KRT75: variants seen among roughly 807,000 people sequenced by gnomAD.
The protein encoded by KRT75 is keratin 75, also known as keratin, type II cytoskeletal 75.
In KRT75, 35 loss-of-function variants were observed where a neutral mutation model predicts 48.8. The observed-to-expected ratio is 0.72, with a 90% CI of 0.55 to 0.95. KRT75 has a LOEUF of 0.95. Ranked by LOEUF, KRT75 falls within the 40% of genes least tolerant of loss-of-function variation. The pLI, the probability that KRT75 is intolerant of heterozygous loss-of-function variation, is 0.00. For missense variants in KRT75, 776 were observed against 709.9 expected (o/e 1.09, Z -1.06); for synonymous variants, 301 against 282.3 (o/e 1.07, Z -0.66).
intron 5 of KRT75, 144 bp downstream of exon 5, chr12:52,430,397 T>G (rs1286489881): frequency 2.3e-6 from 2 of 879,126 alleles, no homozygotes; most frequent in Non-Finnish European, 3.7e-6. Context: ...CATTTCAAGC[T>G]AAGTTGTCAT....
rs1440628031 is a variant in KRT75 at position 52,432,018 on chromosome 12, T to C, written c.762A>G (p.Val254=). The C allele has an allele frequency of 6.2e-7, 1 of 1,614,220 alleles. No individual in the cohort carries two copies. The highest frequency in any genetic ancestry group is 8.5e-7 in the Non-Finnish European group (1 of 1,180,014). The change falls in exon 3 of 9, where the codon GTA becomes GTG. Residue 254 remains valine (V), a synonymous_variant. Coordinates refer to ENST00000252245, the MANE Select transcript of KRT75 (RefSeq NM_004693.3). ...CATCCCCACTCACCTTTTTCAGGGC[T>C]ACAAATTCATTCTCAGCAGCTGTGC... is the stretch of plus-strand genomic sequence containing the variant. ...NKRTAAENEF[V]ALKKDVDAAY... is the part of the protein sequence containing the mutation.
At chr12:52,430,807 C>T (rs1940135613) in intron 4 of KRT75, 102 bp from the exon 5 acceptor site, 1 of 1,298,152 alleles carries the variant, frequency 7.7e-7, no homozygotes, top group African/African-American at 1.5e-5. Context: ...CCTTGGTATT[C>T]CTGGCAGATT....
chr12:52,431,965 C>T, intron 3 of KRT75, 41 bp downstream of exon 3: 1 of 1,603,278 alleles, frequency 6.2e-7, no homozygotes, highest in Admixed American at 1.7e-5. Context: ...CTCCAGATTC[C>T]ATTTTAAACC....
Position 52,432,175 on chromosome 12 carries a change from T to C in KRT75, c.714-109A>G, listed in dbSNP as rs1404909540. 7.6e-6 allele frequency: 8 copies of C among 1,046,460 alleles called. No homozygotes were observed. The African/African-American group carries it at 1.1e-4, about 14-fold the overall frequency. 64.8% of individuals were successfully genotyped at this position (1,046,460 alleles called of 1,614,324 possible). On this transcript the variant is annotated intron_variant, in intron 2 of 8. Coordinates refer to ENST00000252245, the MANE Select transcript of KRT75 (RefSeq NM_004693.3). The stretch of plus-strand genomic sequence containing the variant: ...CTCAAATCATTTCCAGCTCTTCTGC[T>C]GACCTGGGCATGACTTTGGGTGATT...
chr12:52,431,644 A>G lies in KRT75; in HGVS notation c.775-6T>C. ...ATATAGGCAGCATCTACGTCCTGGA[A>G]TGACAGCGCAGGATGCTCCTTTGAG... On this transcript the variant is annotated splice_region_variant and splice_polypyrimidine_tract_variant and intron_variant, in intron 3 of 8. Coordinates refer to ENST00000252245, the MANE Select transcript of KRT75 (RefSeq NM_004693.3). 1.9e-6 allele frequency: 3 copies of G among 1,602,808 alleles called. No individual in the cohort carries two copies.
chr12:52,430,027 T>C (rs755626949), intron 5 of KRT75, among the ~76,000 whole-genome samples: 18 of 152,184 alleles, frequency 1.2e-4, no homozygotes, highest in Non-Finnish European at 1.8e-4. Flanking sequence ...CAGCAATCTT[T>C]TGTCCCTCAT....
At chr12:52,431,867 G>T in intron 3 of KRT75, 139 bp downstream of exon 3, 1 of 868,216 alleles carries the variant, frequency 1.2e-6, no homozygotes, top group Middle Eastern at 2.1e-4. Context: ...GAGGGAACAT[G>T]TTGGGAGGTT....
chr12:52,425,342 A>C lies in KRT75; in HGVS notation c.1418-587T>G, dbSNP rs141323441. ...TCCTGCCGAAGGAAAATCAAATTTT[A>C]AAAAAATAGACTCCGTTATAGGATG... is the stretch of plus-strand genomic sequence containing the variant. On this transcript the variant is annotated intron_variant, in intron 8 of 8. Coordinates refer to ENST00000252245, the MANE Select transcript of KRT75 (RefSeq NM_004693.3). Among the ~76,000 whole-genome samples, 421 of 152,338 alleles carry C rather than the reference A, an allele frequency of 2.8e-3. 19 individuals carry two copies. In the East Asian group the frequency reaches 0.066, roughly 24 times the overall value.
chr12:52,428,799 G>T, intron 5 of KRT75, 56 bp from the exon 6 acceptor site: 7 of 1,611,734 alleles, frequency 4.3e-6, no homozygotes, highest in Non-Finnish European at 5.9e-6. Context: ...CCAGGCACTC[G>T]CTGTGCACAC....
At chr12:52,424,857 G>C in intron 8 of KRT75, 102 bp from the exon 9 acceptor site, 1 of 914,870 alleles carries the variant, frequency 1.1e-6, no homozygotes, top group East Asian at 2.4e-5. Context: ...GGAGGGGGTG[G>C]TCTCGTCAGC....
Position 52,434,054 on chromosome 12 carries a change from A to G in KRT75, c.251T>C (p.Phe84Ser), listed in dbSNP as rs910176859. ...AAACCTGTTGCTGGCCCTGCCACCA[A>G]AGCCACTTCGGCAGCTGCTGCCACA... The part of the protein sequence containing the change: ...NGCGSSCRSG[F>S]GGRASNRFGV... Residue 84 changes from phenylalanine to serine, a missense_variant, in exon 1 of 9, where the codon TTT (phenylalanine) becomes TCT (serine). Phe to Ser is a radical substitution (Grantham distance 155, BLOSUM62 -2). Transcript: ENST00000252245. The G allele has an allele frequency of 3.1e-6, 5 of 1,613,912 alleles. No homozygotes were observed. In the African/African-American group the frequency reaches 6.7e-5, roughly 22 times the overall value.
intron 5 of KRT75, among the ~76,000 whole-genome samples, chr12:52,429,263 A>G (rs991110976): frequency 6.6e-6 from 1 of 152,140 alleles, no homozygotes; most frequent in African/African-American, 2.4e-5. Context: ...TGTGCCCATG[A>G]ATTTTGGTAG....
Position 52,428,737 on chromosome 12 carries a change from C to A in KRT75, c.1042G>T (p.Glu348Ter). The A allele has an allele frequency of 1.9e-6, 3 of 1,614,046 alleles. No individual in the cohort carries two copies. Among genetic ancestry groups the A allele is most frequent in the Non-Finnish European group, 1.7e-6 (2 of 1,180,042 alleles). ...TGTCTGCCTGCGGTGACCTGCAGCT[C>A]CTCGTACTGAGAGAACCAGAGCAAA... ...AESWYQTKYE[E>*]LQVTAGRHGD... Residue 348 changes from glutamate to a stop codon, truncating the protein, a stop_gained, in exon 6 of 9, where the codon GAG becomes TAG. Coordinates refer to ENST00000252245, the MANE Select transcript of KRT75 (RefSeq NM_004693.3). LOFTEE classifies it high-confidence loss of function.
chr12:52,428,056 G>T, intron 7 of KRT75, 200 bp downstream of exon 7: 1 of 678,736 alleles, frequency 1.5e-6, no homozygotes, highest in East Asian at 2.8e-5. Flanking sequence ...GTTTCTATGG[G>T]GATGCTAACT....
At position 52,424,424 on chromosome 12, in the gene KRT75, C is replaced by A. The variant is rs1355144929; in HGVS notation, c.*93G>T. 1.7e-6 allele frequency: 2 copies of A among 1,176,578 alleles called. No homozygotes were observed. Among genetic ancestry groups the A allele is most frequent in the South Asian group, 1.2e-5 (1 of 82,082 alleles). 72.9% of individuals were successfully genotyped at this position (1,176,578 alleles called of 1,614,324 possible). The stretch of plus-strand genomic sequence containing the variant: ...CCAGGCTCCCAGCAGCACAGGTGCA[C>A]CTTACAAGGAGAGAGGAAGGAGGAG... On this transcript the variant is annotated 3_prime_UTR_variant, in exon 9 of 9. Coordinates refer to ENST00000252245, the MANE Select transcript of KRT75 (RefSeq NM_004693.3).
In KRT75 at chr12:52,424,562, CTT is replaced by C. The variant is rs748916754; in HGVS notation, c.1609_1610del (p.Lys537ValfsTer71). 533 of 1,614,042 alleles carry C rather than the reference CTT, an allele frequency of 3.3e-4. 2 individuals carry two copies. The highest frequency in any genetic ancestry group is 4.2e-4 in the Non-Finnish European group (500 of 1,180,036). Reference protein sequence around the residue: ...RGLGGSGSSVKFVSTTSSSQK... With the variant: ...RGLGGSGSSVXFVSTTSSSQK... ...GGCTGGAGGATGTGGTGGAGACAAA[CTT>C]GACGCTAGAACCACTGCCCCCTAAG... is the stretch of plus-strand genomic sequence containing the variant. On this transcript the variant is annotated frameshift_variant, in exon 9 of 9. Coordinates refer to ENST00000252245, the MANE Select transcript of KRT75 (RefSeq NM_004693.3). LOFTEE classifies it high-confidence loss of function.
intron 5 of KRT75, 73 bp from the exon 6 acceptor site, chr12:52,428,816 A>C: frequency 6.3e-7 from 1 of 1,589,060 alleles, no homozygotes; most frequent in South Asian, 1.1e-5. Context: ...ACACAGACCC[A>C]CCCTGGGTGC....
intron 3 of KRT75, 124 bp from the exon 4 acceptor site, chr12:52,431,762 AT>A: frequency 1.2e-6 from 1 of 853,654 alleles, no homozygotes; most frequent in Admixed American, 2.0e-5. Flanking sequence ...GGTCTGGGTG[AT>A]TTGGGGTTGG....
Position 52,428,476 on chromosome 12 carries a change from A to G in KRT75, c.1162T>C (p.Cys388Arg). Reference sequence around the variant, plus strand: ...GCAATGGCCGTTTGCAAGCTGGAACACTGTAAGGACAGGAGGAAGCCATGA... The same window carrying G: ...GCAATGGCCGTTTGCAAGCTGGAACGCTGTAAGGACAGGAGGAAGCCATGA... ...RAEIDSVKKQCSSLQTAIADA... is the reference protein window; with the variant it reads ...RAEIDSVKKQRSSLQTAIADA... The change falls in exon 7 of 9, where the codon TGT becomes CGT. Residue 388 changes from cysteine (C) to arginine (R), a missense_variant and splice_region_variant. Coordinates refer to ENST00000252245, the MANE Select transcript of KRT75 (RefSeq NM_004693.3). 1 of 1,613,186 alleles carries G rather than the reference A, an allele frequency of 6.2e-7. No homozygotes were observed. The highest frequency in any genetic ancestry group is 1.6e-4 in the Middle Eastern group (1 of 6,062).
Sources: allele counts gnomAD v4.1 joint callset (sites outside exome capture counted in the v4.1 genomes callset), GRCh38; gene constraint gnomAD v4.1.1; transcripts MANE v1.5; gene names NCBI Gene and HGNC (gene_info 2026-07-23, HGNC 2026-07-21).